Variants in RIPOR3 observed in about 807,000 individuals in gnomAD.
RIPOR3 encodes family with sequence similarity 65 member C.
In RIPOR3, 95 loss-of-function variants were observed where a neutral mutation model predicts 114.3. That is an observed-to-expected ratio of 0.83 (90% confidence interval 0.70 to 0.99). The LOEUF (loss-of-function observed/expected upper bound fraction) is 0.99, where lower values mean the gene tolerates loss of function less well. RIPOR3 is among the 50% of genes least tolerant of loss of function. RIPOR3 has a pLI of 0.00. For missense variants in RIPOR3, 1,252 were observed against 1,266.9 expected (o/e 0.99, Z 0.18); for synonymous variants, 575 against 543.8 (o/e 1.06, Z -0.80).
chr20:50,661,926 C>T (rs2086010461), intron 1 of RIPOR3: 1 of 152,362 alleles, frequency 6.6e-6, no homozygotes, highest in Non-Finnish European at 1.5e-5. Context: ...GGCTGATGGG[C>T]TCCAGGCGTG....
chr20:50,649,630 C>T (rs913865298), intron 1 of RIPOR3, among the ~76,000 whole-genome samples: 1 of 151,492 alleles, frequency 6.6e-6, no homozygotes, highest in Admixed American at 6.6e-5. Context: ...TGCCCAGGAA[C>T]TATTCTGATT....
intron 12 of RIPOR3, among the ~76,000 whole-genome samples, chr20:50,604,185 CA>C (rs11300905): frequency 0.022 from 1,899 of 84,526 alleles, 28 homozygotes; most frequent in East Asian, 0.054. Context: ...AACTCCGTCT[CA>C]AAAAAAAAAA....
At position 50,602,526 on chromosome 20, in the gene RIPOR3, T is replaced by C; in HGVS notation, c.1205A>G (p.Gln402Arg). 1 of 1,561,926 alleles carries C rather than the reference T, an allele frequency of 6.4e-7. No individual in the cohort carries two copies. ...GAAGGAGTCCATCTCAGGCAGCTCC[T>C]GACTCTGGCTTCTTAGGCTGGGACC... ...LRGPSLRSQS[Q>R]ELPEMDSFSS... The change falls in exon 13 of 22, where the codon CAG becomes CGG. Residue 402 changes from glutamine to arginine, a missense_variant. Gln to Arg is a conservative substitution (Grantham distance 43, BLOSUM62 1). Transcript: ENST00000327979. This position sits in a 1 kb window ranked among gnomAD's most constrained non-coding sequence, Gnocchi z 4.3.
chr20:50,691,049 G>T (rs1255019426), intron 1 of RIPOR3, 77 bp downstream of exon 1: 1 of 1,288,622 alleles, frequency 7.8e-7, no homozygotes, highest in Non-Finnish European at 1.0e-6. Context: ...GCCTCCTCCT[G>T]TCACCCCCAG....
At chr20:50,593,496 G>A (rs907803930) in intron 17 of RIPOR3, among the ~76,000 whole-genome samples, 6 of 152,098 alleles carry the variant, frequency 3.9e-5, no homozygotes, top group African/African-American at 7.2e-5. Context: ...GCTTGAACCC[G>A]GGAGGTGGAG....
chr20:50,639,944 G>A (rs539565015), intron 1 of RIPOR3, among the ~76,000 whole-genome samples: 100 of 152,096 alleles, frequency 6.6e-4, no homozygotes, highest in African/African-American at 2.3e-3. Flanking sequence ...TGACAGCCTG[G>A]CACATCTCCA....
chr20:50,636,444 A>T, intron 1 of RIPOR3: 1 of 553,158 alleles, frequency 1.8e-6, no homozygotes, highest in Non-Finnish European at 2.3e-6. Flanking sequence ...GGGAGGCATC[A>T]GGAAGAGAGG....
At chr20:50,629,062 G>A (rs979650015) in intron 2 of RIPOR3, among the ~76,000 whole-genome samples, 1 of 152,188 alleles carries the variant, frequency 6.6e-6, no homozygotes, top group African/African-American at 2.4e-5. Flanking sequence ...ACTGGAGGTG[G>A]AGGAGTGGGG....
chr20:50,634,144 G>GA (rs2084910410), intron 1 of RIPOR3, among the ~76,000 whole-genome samples: 1 of 151,798 alleles, frequency 6.6e-6, no homozygotes, highest in African/African-American at 2.4e-5. Context: ...ACCATTCCCA[G>GA]CTAATTTTTG....
chr20:50,669,028 A>G (rs2086362948), intron 1 of RIPOR3, among the ~76,000 whole-genome samples: 2 of 152,104 alleles, frequency 1.3e-5, no homozygotes, highest in South Asian at 4.1e-4. Flanking sequence ...ACAGTCACAC[A>G]CATGCACACA....
At chr20:50,681,612 A>G (rs1332829960) in intron 1 of RIPOR3, among the ~76,000 whole-genome samples, 1 of 152,216 alleles carries the variant, frequency 6.6e-6, no homozygotes, top group East Asian at 1.9e-4. Context: ...CTCCATTTGC[A>G]GGATCTGAGA....
intron 3 of RIPOR3, among the ~76,000 whole-genome samples, chr20:50,619,072 C>A (rs1446106170): frequency 2.0e-5 from 3 of 152,024 alleles, no homozygotes; most frequent in Non-Finnish European, 2.9e-5. Flanking sequence ...ATTAGCCAGG[C>A]GTGGTGGCAG....
Position 50,615,108 on chromosome 20 carries a change from A to AGTGTGTGTGTGTGTGTGTGT in RIPOR3, c.348+874_348+893dup, listed in dbSNP as rs56136460. Among the ~76,000 whole-genome samples the AGTGTGTGTGTGTGTGTGTGT allele has an allele frequency of 1.2e-3, 161 of 138,508 alleles. 1 individual carries two copies. The highest frequency in any genetic ancestry group is 3.6e-3 in the Middle Eastern group (1 of 274). 90.9% of individuals were successfully genotyped at this position (138,508 alleles called of 152,430 possible). On this transcript the variant is annotated intron_variant, in intron 4 of 21. Coordinates refer to ENST00000327979, the MANE Select transcript of RIPOR3 (RefSeq NM_001290268.2). ...AATTTAATGGGGCATGCTATTTGTG[A>AGTGTGTGTGTGTGTGTGTGT]GTGTGTGTGTGTGTGTGTGTGTGTG...
At chr20:50,638,523 AC>A (rs951226139) in intron 1 of RIPOR3, among the ~76,000 whole-genome samples, 19 of 152,220 alleles carry the variant, frequency 1.2e-4, no homozygotes, top group African/African-American at 4.3e-4. Context: ...CACCACTCCC[AC>A]CAGCCATGCC....
chr20:50,588,877 G>A (rs539172256), intron 20 of RIPOR3, among the ~76,000 whole-genome samples: 106 of 151,342 alleles, frequency 7.0e-4, no homozygotes, highest in Non-Finnish European at 5.0e-4. Flanking sequence ...TCAGGAGATC[G>A]AGACCATCCT....
Position 50,691,184 on chromosome 20 carries a change from C to G in RIPOR3, c.-56G>C. On this transcript the variant is annotated 5_prime_UTR_variant, in exon 1 of 22. Coordinates refer to ENST00000327979, the MANE Select transcript of RIPOR3 (RefSeq NM_001290268.2). ...CGCCGCCCTCCTTGCAGCTGCCTCACTTTCCCTATTGCCGCCAGCAAGCGT... is the reference window on the plus strand; with the variant it reads ...CGCCGCCCTCCTTGCAGCTGCCTCAGTTTCCCTATTGCCGCCAGCAAGCGT... 1 of 1,289,432 alleles carries G rather than the reference C, an allele frequency of 7.8e-7. No homozygotes were observed. Among genetic ancestry groups the G allele is most frequent in the Non-Finnish European group, 1.0e-6 (1 of 988,848 alleles). The allele number at this position is 1,289,432 out of a possible 1,614,324, so 79.9% of individuals were successfully genotyped here.
intron 1 of RIPOR3, among the ~76,000 whole-genome samples, chr20:50,679,135 A>AAAATAT (rs2086773516): frequency 4.8e-5 from 1 of 20,774 alleles, no homozygotes; most frequent in African/African-American, 1.3e-4. Context: ...AAAAAAAAAA[A>AAAATAT]ATATATATAT....
chr20:50,616,578 A>G (rs1229365084), intron 3 of RIPOR3, among the ~76,000 whole-genome samples: 1 of 152,112 alleles, frequency 6.6e-6, no homozygotes, highest in Admixed American at 6.5e-5. Flanking sequence ...CCTTGACCTC[A>G]GGTGATCTGT....
intron 1 of RIPOR3, among the ~76,000 whole-genome samples, chr20:50,647,478 CTTTTTTTTTT>C (rs942940961): frequency 1.2e-4 from 12 of 100,354 alleles, no homozygotes; most frequent in Non-Finnish European, 1.6e-4. Context: ...GCCTCATTCT[CTTTTTTTTTT>C]TTTTTTTTTT....
Sources: allele counts gnomAD v4.1 joint callset (sites outside exome capture counted in the v4.1 genomes callset), GRCh38; gene constraint gnomAD v4.1.1; non-coding constraint Gnocchi (gnomAD v3.1); transcripts MANE v1.5; gene names NCBI Gene and HGNC (gene_info 2026-07-23, HGNC 2026-07-21).